HHAT: variants seen among roughly 807,000 people sequenced by gnomAD.
HHAT encodes protein-cysteine N-palmitoyltransferase HHAT.
HHAT carries 47 observed loss-of-function variants against 70.8 expected under a neutral mutation model. The observed-to-expected ratio is 0.66, with a 90% CI of 0.53 to 0.85. The LOEUF (loss-of-function observed/expected upper bound fraction) is 0.85, where lower values mean the gene tolerates loss of function less well. Among genes scored for constraint, HHAT ranks in the 40% least tolerant of loss-of-function variants. The probability of loss-of-function intolerance (pLI) is 0.00; values close to 1 mark genes in which losing one functional copy is unlikely to be tolerated. For missense variants in HHAT, 609 were observed against 604.8 expected, an observed-to-expected ratio of 1.01 and a Z score of -0.07; for synonymous variants, 228 against 247.6, an observed-to-expected ratio of 0.92 and a Z score of 0.74.
intron 10 of HHAT, among the ~76,000 whole-genome samples, chr1:210,617,879 A>G (rs1448979344): frequency 3.3e-5 from 5 of 152,212 alleles, no homozygotes; most frequent in Non-Finnish European, 7.3e-5. Context: ...ATTGCTTTCA[A>G]AGGCTCTTCA....
At chr1:210,653,137 A>ACATG (rs1675536964) in intron 11 of HHAT, among the ~76,000 whole-genome samples, 1 of 152,056 alleles carries the variant, frequency 6.6e-6, no homozygotes, top group Non-Finnish European at 1.5e-5. Context: ...CTTTATACAT[A>ACATG]CATACATACA....
chr1:210,418,996 A>G (rs2148276616), intron 7 of HHAT, among the ~76,000 whole-genome samples: 1 of 152,090 alleles, frequency 6.6e-6, no homozygotes, highest in South Asian at 2.1e-4. Flanking sequence ...TCATGCCACC[A>G]CACTCCAGCC....
At chr1:210,422,311 A>G (rs753520125) in intron 7 of HHAT, among the ~76,000 whole-genome samples, 1 of 152,208 alleles carries the variant, frequency 6.6e-6, no homozygotes, top group Non-Finnish European at 1.5e-5. Flanking sequence ...ATTTGAAACT[A>G]TGTAATATAT....
At chr1:210,562,143 GT>G (rs1451859575) in intron 9 of HHAT, among the ~76,000 whole-genome samples, 3 of 152,116 alleles carry the variant, frequency 2.0e-5, no homozygotes, top group Non-Finnish European at 2.9e-5. Flanking sequence ...AACCAGCTCA[GT>G]TTTAAGTAGC....
chr1:210,446,010 T>A lies in HHAT; in HGVS notation c.857-18495T>A, dbSNP rs538683514. 1.5e-3 allele frequency among the ~76,000 whole-genome samples: 233 copies of A among 152,366 alleles called. 2 individuals are homozygous for A. The highest frequency in any genetic ancestry group is 5.4e-3 in the African/African-American group (224 of 41,594). Reference sequence around the variant, plus strand: ...ATTTAACATTAGATATATCTCCTAATGCTATCCCTCCCCCAGGCTCTATCT... The same window carrying A: ...ATTTAACATTAGATATATCTCCTAAAGCTATCCCTCCCCCAGGCTCTATCT... On this transcript the variant is annotated intron_variant, in intron 7 of 11. Coordinates refer to ENST00000261458, the MANE Select transcript of HHAT (RefSeq NM_018194.6).
intron 7 of HHAT, among the ~76,000 whole-genome samples, chr1:210,446,103 G>A (rs1052891341): frequency 1.3e-5 from 2 of 152,194 alleles, no homozygotes; most frequent in Admixed American, 6.5e-5. Flanking sequence ...CGCAAAGGGC[G>A]GAGCCTGTGG....
intron 10 of HHAT, among the ~76,000 whole-genome samples, chr1:210,604,361 C>T (rs1664947039): frequency 6.6e-6 from 1 of 151,898 alleles, no homozygotes; most frequent in African/African-American, 2.4e-5. Context: ...GCTGGGATTA[C>T]AGGCCTGAGT....
chr1:210,418,120 C>T lies in HHAT; in HGVS notation c.685-34C>T, dbSNP rs764194517. ...TAAGGGACTGTTTTAGGAATCAAGG[C>T]ACCATCGAATGACCTCTTTTGTTTC... On this transcript the variant is annotated intron_variant, in intron 6 of 11. Coordinates refer to ENST00000261458, the MANE Select transcript of HHAT (RefSeq NM_018194.6). The T allele has an allele frequency of 8.1e-6, 13 of 1,604,752 alleles. No homozygotes were observed. In the East Asian group the frequency reaches 2.9e-4, roughly 36 times the overall value.
chr1:210,546,847 A>G (rs1182349781), intron 9 of HHAT, among the ~76,000 whole-genome samples: 1 of 152,206 alleles, frequency 6.6e-6, no homozygotes. Flanking sequence ...TCCAAGCGAC[A>G]GACTTGATAA....
intron 3 of HHAT, among the ~76,000 whole-genome samples, chr1:210,367,691 T>A (rs1246575357): frequency 6.6e-6 from 1 of 152,158 alleles, no homozygotes; most frequent in South Asian, 2.1e-4. Flanking sequence ...TTTTTGATGA[T>A]GTTCAGGTTT....
intron 3 of HHAT, among the ~76,000 whole-genome samples, chr1:210,365,424 C>T (rs760110792): frequency 2.8e-5 from 4 of 140,914 alleles, no homozygotes; most frequent in Non-Finnish European, 6.0e-5. Flanking sequence ...TCCAGTGATT[C>T]TCCCACATCA....
chr1:210,418,946 T>A (rs142898986), intron 7 of HHAT, among the ~76,000 whole-genome samples: 24 of 152,194 alleles, frequency 1.6e-4, no homozygotes, highest in African/African-American at 5.5e-4. Flanking sequence ...GGCAGGAGAA[T>A]CACTTGAATC....
intron 9 of HHAT, among the ~76,000 whole-genome samples, chr1:210,582,860 A>C (rs972901418): frequency 2.0e-5 from 3 of 152,248 alleles, no homozygotes; most frequent in African/African-American, 7.2e-5. Flanking sequence ...AGTGGCTAAC[A>C]GAGCTCATTG....
At chr1:210,393,004 C>T (rs529854755) in intron 4 of HHAT, among the ~76,000 whole-genome samples, 2 of 152,230 alleles carry the variant, frequency 1.3e-5, no homozygotes, top group South Asian at 2.1e-4. Context: ...CTTCTCCTCT[C>T]GTGGGAGGCA....
chr1:210,590,563 A>AAAAAT lies in HHAT; in HGVS notation c.1245+2465_1245+2466insAAATA, dbSNP rs1432353433. The AAAAAT allele has an allele frequency of 5.4e-4, 81 of 149,566 alleles. 1 individual carries two copies. The highest frequency in any genetic ancestry group is 1.9e-3 in the African/African-American group (76 of 40,022). 9.3% of individuals were successfully genotyped at this position (149,566 alleles called of 1,614,324 possible). A position where few individuals can be genotyped will look rare whatever the true frequency, so the allele number is the denominator to read the frequency against. ...AGTCCAAAAAAAAAAAAAAAAAAAA[A>AAAAAT]AGGCAACAGAAGACCAGTGTCCTAG... is the stretch of plus-strand genomic sequence containing the variant. On this transcript the variant is annotated intron_variant, in intron 10 of 11. Coordinates refer to ENST00000261458, the MANE Select transcript of HHAT (RefSeq NM_018194.6).
intron 8 of HHAT, among the ~76,000 whole-genome samples, chr1:210,469,315 G>C (rs2094160080): frequency 1.3e-5 from 2 of 152,098 alleles, no homozygotes; most frequent in Admixed American, 6.5e-5. Flanking sequence ...GGTGTTAGAT[G>C]AAAACTAGGA....
At chr1:210,398,143 G>C (rs1367108153) in intron 4 of HHAT, among the ~76,000 whole-genome samples, 1 of 152,170 alleles carries the variant, frequency 6.6e-6, no homozygotes, top group Non-Finnish European at 1.5e-5. Flanking sequence ...TTGGGGATAG[G>C]ATTCATTCCA....
Position 210,542,496 on chromosome 1 carries a change from A to AATAT in HHAT, c.1043+29323_1043+29326dup, listed in dbSNP as rs749840373. On this transcript the variant is annotated intron_variant, in intron 9 of 11. Transcript: ENST00000261458. ...GCATCAGTGTTTTAGTTAAAAAAAA[A>AATAT]ATATATATATATATATATTGGTTGG... Among the ~76,000 whole-genome samples, 229 of 149,498 alleles carry AATAT rather than the reference A, an allele frequency of 1.5e-3. 1 individual carries two copies. Among genetic ancestry groups the AATAT allele is most frequent in the African/African-American group, 2.3e-3 (93 of 40,664 alleles).
chr1:210,404,140 A>G (rs141556274), intron 5 of HHAT, among the ~76,000 whole-genome samples: 17 of 152,316 alleles, frequency 1.1e-4, no homozygotes, highest in African/African-American at 4.1e-4. Context: ...TCTGCACCTT[A>G]TGCCCTGGAT....
Sources: gnomAD v4.1 joint callset for allele counts (sites outside exome capture counted in the v4.1 genomes callset) on GRCh38, gnomAD v4.1.1 for gene constraint, MANE v1.5 for transcripts, NCBI Gene and HGNC (gene_info 2026-07-23, HGNC 2026-07-21) for gene names.